Variants in RERG observed in about 807,000 individuals in gnomAD.
The protein encoded by RERG is RAS like estrogen regulated growth inhibitor.
A neutral mutation model predicts 23.2 loss-of-function variants in RERG; 25 were observed. The ratio of observed to expected loss-of-function variants is 1.08; its 90% CI spans 0.79 to 1.50. The LOEUF (loss-of-function observed/expected upper bound fraction) is 1.50. Among genes scored for constraint, RERG ranks in the 40% most tolerant of loss-of-function variants. RERG has a pLI of 0.00. For synonymous variants in RERG, 81 were observed against 89.1 expected (o/e 0.91, Z 0.51); for missense variants, 253 against 250.1 (o/e 1.01, Z -0.08).
At chr12:15,197,493 C>T (rs1865161032) in intron 2 of RERG, among the ~76,000 whole-genome samples, 1 of 152,124 alleles carries the variant, frequency 6.6e-6, no homozygotes, top group African/African-American at 2.4e-5. Context: ...TTAGTAGATA[C>T]ATGCTTTGGG....
chr12:15,132,371 T>G (rs1251642371), intron 2 of RERG, among the ~76,000 whole-genome samples: 1 of 152,250 alleles, frequency 6.6e-6, no homozygotes. Context: ...TTGCCTGGAT[T>G]GATCACTTAT....
intron 2 of RERG, among the ~76,000 whole-genome samples, chr12:15,127,726 T>C (rs7134712): frequency 0.68 from 102,657 of 152,058 alleles, 34,747 homozygotes; most frequent in Admixed American, 0.75. Context: ...ATTTATTAAT[T>C]ATATTAGTTG....
chr12:15,201,756 G>A (rs1282973264), intron 2 of RERG, among the ~76,000 whole-genome samples: 1 of 150,976 alleles, frequency 6.6e-6, no homozygotes. Context: ...ATTAGTAATT[G>A]TTAATTACTA....
chr12:15,210,468 C>T (rs1865351697), intron 2 of RERG, among the ~76,000 whole-genome samples: 1 of 152,090 alleles, frequency 6.6e-6, no homozygotes, highest in South Asian at 2.1e-4. Flanking sequence ...ATTGTTTCCC[C>T]CCCAATCATA....
chr12:15,120,998 C>T (rs2247574), intron 3 of RERG, 65 bp downstream of exon 3: 791,007 of 1,183,738 alleles, frequency 0.67, 266,030 homozygotes, highest in Admixed American at 0.79. Flanking sequence ...CAACAGAAAA[C>T]ATTATTCTTT....
intron 2 of RERG, among the ~76,000 whole-genome samples, chr12:15,175,154 T>C (rs1864830077): frequency 6.6e-6 from 1 of 150,948 alleles, no homozygotes; most frequent in African/African-American, 2.5e-5. Flanking sequence ...TATCATTTTG[T>C]TGTATTTGTT....
intron 2 of RERG, among the ~76,000 whole-genome samples, chr12:15,187,902 T>A (rs1242528754): frequency 6.6e-6 from 1 of 152,076 alleles, no homozygotes; most frequent in Non-Finnish European, 1.5e-5. Flanking sequence ...ACAGACTTTA[T>A]TATAATTTTA....
intron 2 of RERG, among the ~76,000 whole-genome samples, chr12:15,151,070 T>C (rs1348781306): frequency 6.6e-6 from 1 of 152,168 alleles, no homozygotes. Flanking sequence ...ACAGCCTGTT[T>C]CTAAAATCTA....
intron 2 of RERG, among the ~76,000 whole-genome samples, chr12:15,161,960 G>A (rs901676752): frequency 2.0e-5 from 3 of 152,144 alleles, no homozygotes; most frequent in African/African-American, 4.8e-5. Context: ...AAGAGGTGGA[G>A]GCAAAATTTA....
At chr12:15,151,717 T>G (rs750870973) in intron 2 of RERG, among the ~76,000 whole-genome samples, 28 of 152,310 alleles carry the variant, frequency 1.8e-4, no homozygotes, top group Non-Finnish European at 3.7e-4. Flanking sequence ...CAAAGTTTTC[T>G]TGGAAAAGAT....
intron 2 of RERG, among the ~76,000 whole-genome samples, chr12:15,198,176 A>T: frequency 6.6e-6 from 1 of 152,212 alleles, no homozygotes; most frequent in African/African-American, 2.4e-5. Context: ...GCATTCACTT[A>T]TAAATCTAGA....
chr12:15,216,640 G>A (rs1411827153), intron 2 of RERG, among the ~76,000 whole-genome samples: 4 of 152,198 alleles, frequency 2.6e-5, no homozygotes, highest in Non-Finnish European at 5.9e-5. Flanking sequence ...CCTTCCTCCA[G>A]TAAGAGACTA....
At chr12:15,131,670 ATAAACCTCGCTG>A (rs1364661480) in intron 2 of RERG, among the ~76,000 whole-genome samples, 8 of 152,244 alleles carry the variant, frequency 5.3e-5, no homozygotes, top group African/African-American at 1.9e-4. Flanking sequence ...GCCATCTGGC[ATAAACCTCGCTG>A]GATGACCTCC....
At chr12:15,126,157 T>TATATATATATATATATATA (rs1555120854) in intron 2 of RERG, among the ~76,000 whole-genome samples, 9 of 55,444 alleles carry the variant, frequency 1.6e-4, no homozygotes, top group Non-Finnish European at 2.6e-4. Context: ...ATATATGTAT[T>TATATATATATATATATATA]TACACACATA....
rs1010846240 is a variant in RERG at position 15,111,549 on chromosome 12, A to G, written c.119-132T>C. On this transcript the variant is annotated intron_variant, in intron 3 of 4. Transcript: ENST00000256953. ...GCATAAGGAACTGTGTAGTCTAGGAAAGAGAGGAGAGATGTGCAAAAATGT... is the reference window on the plus strand; with the variant it reads ...GCATAAGGAACTGTGTAGTCTAGGAGAGAGAGGAGAGATGTGCAAAAATGT... The G allele has an allele frequency of 4.4e-5, 29 of 659,882 alleles. No individual in the cohort carries two copies. In the African/African-American group the frequency reaches 5.3e-4, roughly 12 times the overall value. The allele number at this position is 659,882 out of a possible 1,614,324, so 40.9% of individuals were successfully genotyped here.
chr12:15,153,184 T>C (rs1170421137), intron 2 of RERG, among the ~76,000 whole-genome samples: 2 of 152,212 alleles, frequency 1.3e-5, no homozygotes, highest in African/African-American at 4.8e-5. Context: ...AGCTTTTCCA[T>C]AGAGTCTTAA....
chr12:15,218,454 A>C (rs1865472455), intron 1 of RERG, among the ~76,000 whole-genome samples: 2 of 152,080 alleles, frequency 1.3e-5, no homozygotes, highest in Admixed American at 1.3e-4. Flanking sequence ...TCTTCTAGCC[A>C]TTCTTCTAGC....
At chr12:15,158,629 A>G (rs1162804416) in intron 2 of RERG, among the ~76,000 whole-genome samples, 1 of 152,104 alleles carries the variant, frequency 6.6e-6, no homozygotes, top group African/African-American at 2.4e-5. Flanking sequence ...TTTGCAGAGT[A>G]TAAGGAATTT....
intron 2 of RERG, among the ~76,000 whole-genome samples, chr12:15,207,772 A>C (rs1487549400): frequency 1.3e-5 from 2 of 152,148 alleles, no homozygotes; most frequent in African/African-American, 4.8e-5. Context: ...GAGTCAAGGC[A>C]TGCTGGCTAT....
Sources: gnomAD v4.1 joint callset for allele counts (sites outside exome capture counted in the v4.1 genomes callset) on GRCh38, gnomAD v4.1.1 for gene constraint, MANE v1.5 for transcripts, NCBI Gene and HGNC (gene_info 2026-07-23, HGNC 2026-07-21) for gene names.